COL24A1: variants seen among roughly 807,000 people sequenced by gnomAD.
COL24A1 encodes collagen type XXIV alpha 1 chain.
Under a neutral mutation model 253.9 loss-of-function variants are expected in COL24A1, and 224 were observed. That is an observed-to-expected ratio of 0.88 (90% CI 0.79 to 0.99). COL24A1 has a LOEUF of 0.99. Ranked by LOEUF, COL24A1 falls within the 50% of genes least tolerant of loss-of-function variation. The probability of loss-of-function intolerance (pLI) is 0.00; values close to 1 mark genes in which losing one functional copy is unlikely to be tolerated. For missense variants in COL24A1, 2,131 were observed against 2,068.5 expected, an observed-to-expected ratio of 1.03 and a Z score of -0.59; for synonymous variants, 685 against 673.7, an observed-to-expected ratio of 1.02 and a Z score of -0.26.
At chr1:86,086,190 G>A (rs1557560995) in intron 7 of COL24A1, among the ~76,000 whole-genome samples, 1 of 152,040 alleles carries the variant, frequency 6.6e-6, no homozygotes, top group East Asian at 1.9e-4. Flanking sequence ...TGTTTCCTTG[G>A]CTTTCATGAA....
chr1:85,916,092 A>G lies in COL24A1; in HGVS notation c.2563-4659T>C, dbSNP rs180842906. Among the ~76,000 whole-genome samples the G allele has an allele frequency of 9.0e-4, 137 of 152,332 alleles. 1 individual carries two copies. The highest frequency in any genetic ancestry group is 3.1e-3 in the African/African-American group (130 of 41,574). ...TAAAAATCTGGAGATTTTACATATA[A>G]ATACTTTATATATAAAGATTTATAA... On this transcript the variant is annotated intron_variant, in intron 24 of 59. Coordinates refer to ENST00000370571, the MANE Select transcript of COL24A1 (RefSeq NM_152890.7).
At chr1:86,116,890 T>A (rs892798590) in intron 3 of COL24A1, among the ~76,000 whole-genome samples, 2 of 151,486 alleles carry the variant, frequency 1.3e-5, no homozygotes, top group Non-Finnish European at 2.9e-5. Flanking sequence ...TGTTCAAATA[T>A]TTTAGCAGCC....
At chr1:86,105,025 G>C (rs972255729) in intron 5 of COL24A1, among the ~76,000 whole-genome samples, 1 of 152,204 alleles carries the variant, frequency 6.6e-6, no homozygotes, top group Non-Finnish European at 1.5e-5. Flanking sequence ...GACTGTGTGT[G>C]CCCTCCGTAC....
At chr1:85,804,915 T>C (rs2101823832) in intron 47 of COL24A1, among the ~76,000 whole-genome samples, 1 of 152,186 alleles carries the variant, frequency 6.6e-6, no homozygotes, top group African/African-American at 2.4e-5. Flanking sequence ...GGCATGATGA[T>C]ACTTCACTGT....
chr1:85,907,700 A>G (rs528156870), intron 27 of COL24A1, among the ~76,000 whole-genome samples: 70 of 151,926 alleles, frequency 4.6e-4, no homozygotes, highest in African/African-American at 1.6e-3. Flanking sequence ...ATGCCACAAA[A>G]TGTTCCAAAT....
chr1:86,100,577 T>A (rs557216216), intron 5 of COL24A1, among the ~76,000 whole-genome samples: 1 of 152,258 alleles, frequency 6.6e-6, no homozygotes, highest in Admixed American at 6.5e-5. Context: ...AACAAGCCCC[T>A]TCTGACCACA....
At chr1:86,109,758 ACT>A (rs1473962672) in intron 5 of COL24A1, among the ~76,000 whole-genome samples, 1 of 152,220 alleles carries the variant, frequency 6.6e-6, no homozygotes, top group Non-Finnish European at 1.5e-5. Context: ...TCATATGCAC[ACT>A]TTTTTCTTTT....
chr1:86,029,847 C>A (rs1193527762), intron 14 of COL24A1: 1 of 151,650 alleles, frequency 6.6e-6, no homozygotes, highest in East Asian at 1.9e-4. Context: ...AAGGAGAATT[C>A]TTCCCTATGG....
rs1297565358 is a variant in COL24A1 at position 85,827,441 on chromosome 1, A to C, written c.3682-3703T>G. Among the ~76,000 whole-genome samples the C allele has an allele frequency of 4.0e-5, 6 of 151,692 alleles. 1 individual carries two copies. The highest frequency in any genetic ancestry group is 8.8e-5 in the Non-Finnish European group (6 of 67,880). ...GGTATCAGGATGATGCTGGCCTCAT[A>C]AAATGAGTTAGGGAGGATTCCCTCT... On this transcript the variant is annotated intron_variant, in intron 43 of 59. Transcript: ENST00000370571.
intron 29 of COL24A1, 54 bp from the exon 30 acceptor site, chr1:85,896,119 C>G (rs7541806): frequency 0.7 from 1,088,629 of 1,562,488 alleles, 380,761 homozygotes; most frequent in East Asian, 0.8. Flanking sequence ...TATGGTCTTA[C>G]TATGCTAGCA....
chr1:85,732,263 C>T (rs1356586480), intron 59 of COL24A1, among the ~76,000 whole-genome samples: 2 of 147,372 alleles, frequency 1.4e-5, no homozygotes, highest in Non-Finnish European at 3.0e-5. Context: ...CGGAGTCTCA[C>T]TCGGTCGCCC....
At chr1:86,015,320 A>T (rs1203783848) in intron 19 of COL24A1, among the ~76,000 whole-genome samples, 2 of 152,186 alleles carry the variant, frequency 1.3e-5, no homozygotes, top group East Asian at 3.8e-4. Context: ...GTACTCTGAA[A>T]ATGCTGGGGC....
chr1:85,831,375 T>C (rs2102118063), intron 43 of COL24A1, among the ~76,000 whole-genome samples: 1 of 152,214 alleles, frequency 6.6e-6, no homozygotes, highest in African/African-American at 2.4e-5. Context: ...CATCCCTGTA[T>C]GTAGTTCTAC....
At chr1:86,006,581 T>C (rs1695981668) in intron 19 of COL24A1, among the ~76,000 whole-genome samples, 1 of 151,744 alleles carries the variant, frequency 6.6e-6, no homozygotes, top group Non-Finnish European at 1.5e-5. Context: ...CAGGAGAAAA[T>C]CTAGATGACC....
intron 28 of COL24A1, among the ~76,000 whole-genome samples, chr1:85,903,855 G>T: frequency 6.6e-6 from 1 of 151,988 alleles, no homozygotes; most frequent in East Asian, 1.9e-4. Flanking sequence ...GAAACAAAAC[G>T]TTCTATTAAA....
At chr1:85,994,683 G>A (rs755238177) in intron 19 of COL24A1, among the ~76,000 whole-genome samples, 4 of 152,100 alleles carry the variant, frequency 2.6e-5, no homozygotes, top group Non-Finnish European at 5.9e-5. Context: ...CTATCCAAAA[G>A]TTAATGCCAA....
chr1:86,044,019 T>C (rs926307721), intron 12 of COL24A1, among the ~76,000 whole-genome samples: 2 of 152,314 alleles, frequency 1.3e-5, no homozygotes, highest in Admixed American at 6.5e-5. Flanking sequence ...TATTTCACAA[T>C]TGATAGTACA....
intron 28 of COL24A1, among the ~76,000 whole-genome samples, chr1:85,901,678 C>G (rs898503637): frequency 1.5e-4 from 22 of 151,436 alleles, no homozygotes; most frequent in Non-Finnish European, 1.2e-4. Flanking sequence ...GGCATGGTGG[C>G]TGAGTAGCCT....
chr1:86,118,422 T>C (rs1249656950), intron 3 of COL24A1, among the ~76,000 whole-genome samples: 1 of 152,200 alleles, frequency 6.6e-6, no homozygotes, highest in African/African-American at 2.4e-5. Flanking sequence ...TGTTAGATAT[T>C]ATTATTACTA....
Sources: allele counts gnomAD v4.1 joint callset (sites outside exome capture counted in the v4.1 genomes callset), GRCh38; gene constraint gnomAD v4.1.1; transcripts MANE v1.5; gene names NCBI Gene and HGNC (gene_info 2026-07-23, HGNC 2026-07-21).